The following CEP152 variants were observed in gnomAD, a reference collection of about 807,000 sequenced individuals.
CEP152 encodes the protein centrosomal protein 152, also known as centrosomal protein of 152 kDa.
In CEP152, 132 loss-of-function variants were observed where a neutral mutation model predicts 188.9. The ratio of observed to expected loss-of-function variants is 0.70; its 90% CI spans 0.61 to 0.81. The LOEUF (loss-of-function observed/expected upper bound fraction) is 0.81, where lower values mean the gene tolerates loss of function less well. Among genes scored for constraint, CEP152 ranks in the 30% least tolerant of loss-of-function variants. The pLI, the probability that CEP152 is intolerant of heterozygous loss-of-function variation, is 0.00. For synonymous variants in CEP152, 649 were observed against 666.6 expected, an observed-to-expected ratio of 0.97 and a Z score of 0.41; for missense variants, 1,914 against 1,969.8, an observed-to-expected ratio of 0.97 and a Z score of 0.54.
chr15:48,795,919 A>G (rs1897258106), intron 6 of CEP152, 91 bp downstream of exon 6: 2 of 1,213,670 alleles, frequency 1.6e-6, no homozygotes, highest in African/African-American at 3.0e-5. Flanking sequence ...CTTAAAAAAT[A>G]ATAATTCTTG....
chr15:48,775,704 G>A (rs1895847436), intron 12 of CEP152, among the ~76,000 whole-genome samples: 1 of 152,108 alleles, frequency 6.6e-6, no homozygotes, highest in African/African-American at 2.4e-5. Flanking sequence ...GAGACAGGAA[G>A]TAGATTAGTA....
intron 2 of CEP152, among the ~76,000 whole-genome samples, chr15:48,798,383 G>A (rs529631969): frequency 5.5e-4 from 83 of 152,166 alleles, no homozygotes; most frequent in African/African-American, 1.9e-3. Context: ...TTATCACAGG[G>A]CAGGCAGACT....
At chr15:48,778,613 A>G (rs1896062959) in intron 12 of CEP152, among the ~76,000 whole-genome samples, 1 of 152,072 alleles carries the variant, frequency 6.6e-6, no homozygotes, top group Non-Finnish European at 1.5e-5. Flanking sequence ...TATAATAATG[A>G]TGCGGTGTCT....
chr15:48,737,035 T>C (rs1300421952), downstream of CEP152, among the ~76,000 whole-genome samples: 1 of 152,190 alleles, frequency 6.6e-6, no homozygotes, highest in Non-Finnish European at 1.5e-5. Context: ...ACTATAGCTG[T>C]ATGTGAATTC....
rs540222455 is a variant in CEP152 at position 48,791,928 on chromosome 15, CT to C, written c.833-553del. ...TTCCTTTAAAACTATTATTGCATCCCTTTTGGGGACAAATCCCTGCTAATCA... is the reference window on the plus strand; with the variant it reads ...TTCCTTTAAAACTATTATTGCATCCCTTTGGGGACAAATCCCTGCTAATCA... On this transcript the variant is annotated intron_variant, in intron 7 of 26. Transcript: ENST00000380950. Among the ~76,000 whole-genome samples, 337 of 152,136 alleles carry C rather than the reference CT, an allele frequency of 2.2e-3. 2 individuals carry two copies. The highest frequency in any genetic ancestry group is 3.5e-3 in the Non-Finnish European group (241 of 67,980).
intron 5 of CEP152, 107 bp from the exon 6 acceptor site, chr15:48,796,267 A>T: frequency 8.4e-7 from 1 of 1,195,826 alleles, no homozygotes; most frequent in South Asian, 1.2e-5. Context: ...CTTTTGGTAC[A>T]GTTCAAAGTT....
In CEP152 at chr15:48,738,685, C is replaced by G. The variant is rs920499634; in HGVS notation, c.4697G>C (p.Gly1566Ala). 6.2e-7 allele frequency: 1 copy of G among 1,614,074 alleles called. No homozygotes were observed. The highest frequency in any genetic ancestry group is 1.3e-5 in the African/African-American group (1 of 74,942). Reference sequence around the variant, plus strand: ...CCAGCCCAAGCAGTCACTAAGGTCCCCTCCATCTTTTACTGGAGGTTCCTG... The same window carrying G: ...CCAGCCCAAGCAGTCACTAAGGTCCGCTCCATCTTTTACTGGAGGTTCCTG... ...DVQEPPVKDG[G>A]DLSDCLGWPS... The change falls in exon 27 of 27, where the codon GGG becomes GCG. Residue 1566 changes from glycine (G) to alanine (A), a missense_variant. Physicochemically the swap from Gly to Ala is moderately conservative, Grantham distance 60. Transcript: ENST00000380950.
At position 48,788,927 on chromosome 15, in the gene CEP152, A is replaced by G; in HGVS notation, c.1047T>C (p.Ser349=). 2 of 1,614,188 alleles carry G rather than the reference A, an allele frequency of 1.2e-6. No individual in the cohort carries two copies. Among genetic ancestry groups the G allele is most frequent in the Non-Finnish European group, 1.7e-6 (2 of 1,180,022 alleles). The change falls in exon 9 of 27, where the codon TCT becomes TCC. Residue 349 remains serine (S), a synonymous_variant. Transcript: ENST00000380950. The stretch of plus-strand genomic sequence containing the variant: ...GTTCTCTAGCTCGTTGAAGTGATTC[A>G]GAATGATGAAGGTCCACCAGCTGCT... ...LKQQLVDLHH[S]ESLQRAREQH...
intron 21 of CEP152, among the ~76,000 whole-genome samples, chr15:48,751,968 T>C (rs1301450009): frequency 6.6e-6 from 1 of 152,198 alleles, no homozygotes; most frequent in African/African-American, 2.4e-5. Context: ...AAACATCTAA[T>C]ACATTTCAGA....
intron 6 of CEP152, among the ~76,000 whole-genome samples, 195 bp from the exon 7 acceptor site, chr15:48,793,656 T>C (rs1897122247): frequency 6.6e-6 from 1 of 152,222 alleles, no homozygotes; most frequent in Non-Finnish European, 1.5e-5. Context: ...CAGTCTTATT[T>C]TGTGAAACTT....
chr15:48,798,123 C>T (rs746476635), intron 2 of CEP152, 72 bp from the exon 3 acceptor site: 91 of 1,256,738 alleles, frequency 7.2e-5, no homozygotes, highest in Non-Finnish European at 9.4e-5. Flanking sequence ...TGCCTTGGAA[C>T]GAGTGGTTTT....
intron 9 of CEP152, among the ~76,000 whole-genome samples, chr15:48,786,639 G>A (rs1896652721): frequency 6.6e-6 from 1 of 152,144 alleles, no homozygotes; most frequent in African/African-American, 2.4e-5. Context: ...AAGCAGCTAT[G>A]CAATTATATG....
chr15:48,768,313 CA>C lies in CEP152; in HGVS notation c.1923del (p.Glu642LysfsTer4), dbSNP rs1895277023. 6.3e-7 allele frequency: 1 copy of C among 1,593,204 alleles called. No individual in the cohort carries two copies. Among genetic ancestry groups the C allele is most frequent in the Non-Finnish European group, 8.6e-7 (1 of 1,161,056 alleles). On this transcript the variant is annotated frameshift_variant, in exon 15 of 27. Coordinates refer to ENST00000380950, the MANE Select transcript of CEP152 (RefSeq NM_001194998.2). LOFTEE classifies it high-confidence loss of function. The stretch of plus-strand genomic sequence containing the variant: ...TGATTTGTATTTCTCAGTTTTCCTT[CA>C]GTTTCTTTAAGTTCCTAGACACAAA... Reference protein sequence around the residue: ...LQQQNQELKETEGKLRNTNQD... With the variant: ...LQQQNQELKEXEGKLRNTNQD...
chr15:48,740,502 C>T (rs784405), intron 26 of CEP152: 126,988 of 151,980 alleles, frequency 0.84, 53,597 homozygotes, highest in East Asian at 1. Flanking sequence ...TACCCACGCT[C>T]TCTAGGTTTT....
At chr15:48,808,280 T>C (rs1595712362) in intron 1 of CEP152, among the ~76,000 whole-genome samples, 1 of 148,142 alleles carries the variant, frequency 6.8e-6, no homozygotes, top group African/African-American at 2.5e-5. Context: ...AATAGCAAGA[T>C]AGTAAATCCA....
chr15:48,796,128 A>G lies in CEP152; in HGVS notation c.573T>C (p.Asn191=), dbSNP rs764320706. 1.1e-5 allele frequency: 17 copies of G among 1,613,746 alleles called. No homozygotes were observed. The Admixed American group carries it at 1.8e-4, about 17-fold the overall frequency. ...ACTGATAAGGTTTATATGTCACTTT[A>G]TTATACGGTTCCAAACCTTGACAAC... ...GPSCQGLEPY[N]KVTYKPYQSS... is the part of the protein sequence containing the mutation. Residue 191 remains asparagine (N), a synonymous_variant, in exon 6 of 27, where the codon AAT becomes AAC. Transcript: ENST00000380950.
At chr15:48,755,058 G>T (rs1894159209) in intron 20 of CEP152, among the ~76,000 whole-genome samples, 1 of 150,538 alleles carries the variant, frequency 6.6e-6, no homozygotes, top group Non-Finnish European at 1.5e-5. Context: ...TGTTGAAATT[G>T]GCTAATCACC....
intron 23 of CEP152, 146 bp downstream of exon 23, chr15:48,744,750 G>T (rs1314835049): frequency 8.1e-6 from 6 of 737,742 alleles, no homozygotes; most frequent in Non-Finnish European, 1.3e-5. Flanking sequence ...TCACTAGAGG[G>T]TATCTTCAGG....
At chr15:48,733,263 G>T (rs1467310327), downstream of CEP152, among the ~76,000 whole-genome samples, 1 of 152,074 alleles carries the variant, frequency 6.6e-6, no homozygotes. Context: ...TGTCCCAGTT[G>T]CCCTGGTCGA....
Sources: gnomAD v4.1 joint callset for allele counts (sites outside exome capture counted in the v4.1 genomes callset) on GRCh38, gnomAD v4.1.1 for gene constraint, MANE v1.5 for transcripts, NCBI Gene and HGNC (gene_info 2026-07-23, HGNC 2026-07-21) for gene names.